The following RAB10 variants were observed in gnomAD, a reference collection of about 807,000 sequenced individuals.
RAB10 encodes ras-related protein Rab-10.
Under a neutral mutation model 25.7 loss-of-function variants are expected in RAB10, and 5 were observed. The ratio of observed to expected loss-of-function variants is 0.19; its 90% CI spans 0.10 to 0.41. The LOEUF (loss-of-function observed/expected upper bound fraction) is 0.41, where lower values mean the gene tolerates loss of function less well. RAB10 is among the 10% of genes least tolerant of loss of function. The pLI is 1.00. For missense variants in RAB10, 103 were observed against 245.8 expected (o/e 0.42, Z 3.89); for synonymous variants, 89 against 86.4 (o/e 1.03, Z -0.16).
chr2:26,081,121 T>C (rs955265771), intron 1 of RAB10, among the ~76,000 whole-genome samples: 3 of 152,172 alleles, frequency 2.0e-5, no homozygotes, highest in African/African-American at 7.2e-5. Flanking sequence ...AGCTCTCTCT[T>C]TGCCTGTTGC....
intron 3 of RAB10, among the ~76,000 whole-genome samples, chr2:26,125,805 C>T (rs1007934448): frequency 1.3e-5 from 2 of 151,924 alleles, no homozygotes; most frequent in African/African-American, 4.8e-5. Context: ...CAAATATTTC[C>T]TCCTTTTTGT....
At chr2:26,060,950 TCA>T (rs1249373404) in intron 1 of RAB10, among the ~76,000 whole-genome samples, 2 of 152,142 alleles carry the variant, frequency 1.3e-5, no homozygotes, top group Non-Finnish European at 2.9e-5. Context: ...AGTGATTTCT[TCA>T]GTTACATGTA....
At chr2:26,072,738 C>T (rs917790990) in intron 1 of RAB10, among the ~76,000 whole-genome samples, 2 of 152,140 alleles carry the variant, frequency 1.3e-5, no homozygotes, top group African/African-American at 4.8e-5. Context: ...AAATTGGATG[C>T]AGAAGCAGGT....
At chr2:26,078,802 C>G (rs1374277326) in intron 1 of RAB10, among the ~76,000 whole-genome samples, 1 of 152,118 alleles carries the variant, frequency 6.6e-6, no homozygotes, top group Non-Finnish European at 1.5e-5. Flanking sequence ...AAGATAGGAG[C>G]TGTTGACTTT....
chr2:26,108,109 A>G (rs1191578927), intron 2 of RAB10, among the ~76,000 whole-genome samples: 1 of 152,226 alleles, frequency 6.6e-6, no homozygotes, highest in Non-Finnish European at 1.5e-5. Flanking sequence ...CCAGTTTCTT[A>G]CCGTTATACA....
intron 1 of RAB10, among the ~76,000 whole-genome samples, chr2:26,081,378 C>T (rs996641288): frequency 6.6e-6 from 1 of 152,074 alleles, no homozygotes; most frequent in Non-Finnish European, 1.5e-5. Context: ...GACTCCTCCA[C>T]CCCAAAATGC....
At position 26,034,142 on chromosome 2, in the gene RAB10, G is replaced by C; in HGVS notation, c.-467G>C. ...CACGGGGAAAAGGTGGCTCTGGCCG[G>C]GGTGGCTCGGTTTCCTGGGGCTATG... is the stretch of plus-strand genomic sequence containing the variant. On this transcript the variant is annotated 5_prime_UTR_variant, in exon 1 of 6. Coordinates refer to ENST00000264710, the MANE Select transcript of RAB10 (RefSeq NM_016131.5). The C allele has an allele frequency of 2.5e-6, 1 of 407,104 alleles. No homozygotes were observed. The highest frequency in any genetic ancestry group is 4.3e-6 in the Non-Finnish European group (1 of 230,238). The allele number at this position is 407,104 out of a possible 1,614,324, so 25.2% of individuals were successfully genotyped here.
intron 1 of RAB10, among the ~76,000 whole-genome samples, chr2:26,046,968 G>C (rs571135106): frequency 2.2e-4 from 33 of 152,078 alleles, no homozygotes; most frequent in African/African-American, 7.7e-4. Context: ...GGGATCTCTT[G>C]TATACTTTGC....
chr2:26,054,058 GTT>G (rs1262138206), intron 1 of RAB10, among the ~76,000 whole-genome samples: 1 of 38,520 alleles, frequency 2.6e-5, no homozygotes, highest in Non-Finnish European at 5.3e-5. Flanking sequence ...TTTTTTTCCT[GTT>G]TTTTTGAGCT....
At position 26,092,261 on chromosome 2, in the gene RAB10, CTGTGTGTGTGTGTGTGTGTGTGTGTG is replaced by C. The variant is rs56875863; in HGVS notation, c.128-6365_128-6340del. 7.3e-3 allele frequency among the ~76,000 whole-genome samples: 951 copies of C among 130,934 alleles called. 10 individuals are homozygous for C. Among genetic ancestry groups the C allele is most frequent in the South Asian group, 0.023 (83 of 3,652 alleles). 85.9% of individuals were successfully genotyped at this position (130,934 alleles called of 152,430 possible). ...TGGAGATCATTGATCATAGTGAGAG[CTGTGTGTGTGTGTGTGTGTGTGTGTG>C]TGTGTGTGTGTGTGTGTGTGTGTGT... On this transcript the variant is annotated intron_variant, in intron 1 of 5. Coordinates refer to ENST00000264710, the MANE Select transcript of RAB10 (RefSeq NM_016131.5).
intron 1 of RAB10, among the ~76,000 whole-genome samples, chr2:26,084,096 A>G (rs1181723929): frequency 6.6e-6 from 1 of 152,166 alleles, no homozygotes; most frequent in Non-Finnish European, 1.5e-5. Flanking sequence ...TTGCATGTCA[A>G]ATCCATTGTA....
intron 1 of RAB10, among the ~76,000 whole-genome samples, chr2:26,065,108 A>T (rs1433647542): frequency 6.6e-6 from 1 of 152,186 alleles, no homozygotes; most frequent in Non-Finnish European, 1.5e-5. Context: ...TGGTCATTCC[A>T]GCCATTAGGC....
rs866906255 is a variant in RAB10, at chr2:26,034,186, T to G, written c.-423T>G. Reference sequence around the variant, plus strand: ...GGCTATGTAACTGAGCTCGTCGACTTAGGGGTCCTTCTTCGCTGCCCTCGC... The same window carrying G: ...GGCTATGTAACTGAGCTCGTCGACTGAGGGGTCCTTCTTCGCTGCCCTCGC... On this transcript the variant is annotated 5_prime_UTR_variant, in exon 1 of 6. Coordinates refer to ENST00000264710, the MANE Select transcript of RAB10 (RefSeq NM_016131.5). 1 of 427,876 alleles carries G rather than the reference T, an allele frequency of 2.3e-6. No homozygotes were observed. The highest frequency in any genetic ancestry group is 4.1e-6 in the Non-Finnish European group (1 of 241,968). 26.5% of individuals were successfully genotyped at this position (427,876 alleles called of 1,614,324 possible).
chr2:26,038,955 G>T, intron 1 of RAB10, among the ~76,000 whole-genome samples: 1 of 145,862 alleles, frequency 6.9e-6, no homozygotes, highest in Admixed American at 6.8e-5. Context: ...CTACCATTGC[G>T]TTTAACCAGT....
At chr2:26,048,046 T>TG (rs1161971429) in intron 1 of RAB10, among the ~76,000 whole-genome samples, 6 of 151,882 alleles carry the variant, frequency 4.0e-5, no homozygotes, top group African/African-American at 1.4e-4. Flanking sequence ...AGTTTTTTTT[T>TG]TTTTTTTTTT....
At chr2:26,052,459 A>C (rs1420874348) in intron 1 of RAB10, among the ~76,000 whole-genome samples, 9 of 141,862 alleles carry the variant, frequency 6.3e-5, no homozygotes, top group African/African-American at 2.4e-4. Flanking sequence ...AGATGATGGA[A>C]CCGTGAGCCA....
chr2:26,092,347 C>T (rs1426306117), intron 1 of RAB10, among the ~76,000 whole-genome samples: 1 of 145,848 alleles, frequency 6.9e-6, no homozygotes, highest in Non-Finnish European at 1.5e-5. Flanking sequence ...ATAACAACAA[C>T]AACAAAGCCT....
At chr2:26,062,241 A>G (rs181275252) in intron 1 of RAB10, among the ~76,000 whole-genome samples, 11 of 152,360 alleles carry the variant, frequency 7.2e-5, no homozygotes, top group Non-Finnish European at 1.6e-4. Context: ...AAATATAAAT[A>G]CTATAATCCT....
At chr2:26,076,965 A>T (rs377214526) in intron 1 of RAB10, among the ~76,000 whole-genome samples, 41 of 151,994 alleles carry the variant, frequency 2.7e-4, no homozygotes, top group African/African-American at 9.9e-4. Flanking sequence ...AAAAAACAGA[A>T]AAGTGTCAAA....
Sources: allele counts gnomAD v4.1 joint callset (sites outside exome capture counted in the v4.1 genomes callset), GRCh38; gene constraint gnomAD v4.1.1; transcripts MANE v1.5; gene names NCBI Gene and HGNC (gene_info 2026-07-23, HGNC 2026-07-21).